CTNND2: variants seen among roughly 807,000 people sequenced by gnomAD.
CTNND2 encodes catenin delta 2, also known as catenin delta-2.
CTNND2 carries 22 observed loss-of-function variants against 144.4 expected under a neutral mutation model. The observed-to-expected ratio is 0.15, with a 90% CI of 0.11 to 0.22. The LOEUF is 0.22. Among genes scored for constraint, CTNND2 ranks in the 10% least tolerant of loss-of-function variants. The probability of loss-of-function intolerance (pLI) is 1.00; values close to 1 mark genes in which losing one functional copy is unlikely to be tolerated. For missense variants in CTNND2, 1,353 were observed against 1,618.8 expected (o/e 0.84, Z 2.82); for synonymous variants, 751 against 695.6 (o/e 1.08, Z -1.25).
intron 11 of CTNND2, among the ~76,000 whole-genome samples, chr5:11,196,904 T>C (rs1286211162): frequency 1.3e-5 from 2 of 152,210 alleles, no homozygotes; most frequent in Non-Finnish European, 2.9e-5. Context: ...TCCTTTTGCC[T>C]CATTTTAGGT....
chr5:11,721,043 G>C (rs1040694897), intron 2 of CTNND2, among the ~76,000 whole-genome samples: 2 of 152,042 alleles, frequency 1.3e-5, no homozygotes, highest in South Asian at 4.1e-4. Flanking sequence ...ATTCCCAATA[G>C]ACAACAAGTG....
intron 9 of CTNND2, among the ~76,000 whole-genome samples, chr5:11,258,034 G>C (rs1744456394): frequency 6.6e-6 from 1 of 152,166 alleles, no homozygotes; most frequent in Non-Finnish European, 1.5e-5. Context: ...CTCTTCAACT[G>C]ATCTGGTGTC....
intron 19 of CTNND2, among the ~76,000 whole-genome samples, chr5:10,992,133 G>T (rs563767647): frequency 6.6e-6 from 1 of 152,250 alleles, no homozygotes; most frequent in East Asian, 1.9e-4. Flanking sequence ...GCCCAGGATG[G>T]TTTCGAACTC....
At position 11,228,393 on chromosome 5, in the gene CTNND2, T is replaced by C. The variant is rs370939916; in HGVS notation, c.1761+8298A>G. On this transcript the variant is annotated intron_variant, in intron 10 of 21. Coordinates refer to ENST00000304623, the MANE Select transcript of CTNND2 (RefSeq NM_001332.4). ...AAAAAAAAAAAACAAAGAATGTGAA[T>C]GCTCATTTTACTGCTGTGGCTTCAC... Among the ~76,000 whole-genome samples, 186 of 141,686 alleles carry C rather than the reference T, an allele frequency of 1.3e-3. 1 individual carries two copies. Among genetic ancestry groups the C allele is most frequent in the African/African-American group, 4.6e-3 (179 of 38,510 alleles). The allele number at this position is 141,686 out of a possible 152,430, so 93.0% of individuals were successfully genotyped here. A position where few individuals can be genotyped will look rare whatever the true frequency, so the allele number is the denominator to read the frequency against.
At chr5:11,662,128 TAC>T (rs1346099073) in intron 2 of CTNND2, among the ~76,000 whole-genome samples, 2 of 145,508 alleles carry the variant, frequency 1.4e-5, no homozygotes. Context: ...TATATATATA[TAC>T]ATATATGTAT....
chr5:11,766,949 GC>G (rs1210807242), intron 1 of CTNND2, among the ~76,000 whole-genome samples: 1 of 152,068 alleles, frequency 6.6e-6, no homozygotes, highest in Admixed American at 6.6e-5. Context: ...TACAGCTATG[GC>G]CAGGAGTGTG....
intron 1 of CTNND2, among the ~76,000 whole-genome samples, chr5:11,887,712 T>G (rs1210332955): frequency 6.6e-6 from 1 of 152,216 alleles, no homozygotes; most frequent in Non-Finnish European, 1.5e-5. Context: ...TCTTTTACTA[T>G]TCCAGGGCCC....
At chr5:11,261,825 T>A (rs1396686943) in intron 9 of CTNND2, among the ~76,000 whole-genome samples, 1 of 152,196 alleles carries the variant, frequency 6.6e-6, no homozygotes. Flanking sequence ...GGGCCCACAA[T>A]TTTCCCTTCC....
chr5:11,641,786 A>G (rs1782058039), intron 2 of CTNND2, among the ~76,000 whole-genome samples: 1 of 145,332 alleles, frequency 6.9e-6, no homozygotes, highest in African/African-American at 2.5e-5. Flanking sequence ...ATGTACATAC[A>G]TACACGTGTA....
intron 9 of CTNND2, among the ~76,000 whole-genome samples, chr5:11,274,742 G>T (rs564097696): frequency 6.6e-6 from 1 of 151,984 alleles, no homozygotes; most frequent in African/African-American, 2.4e-5. Flanking sequence ...CTTGCTAACC[G>T]CTAATGAAAA....
chr5:11,839,129 T>C (rs1308381839), intron 1 of CTNND2, among the ~76,000 whole-genome samples: 1 of 152,134 alleles, frequency 6.6e-6, no homozygotes, highest in Non-Finnish European at 1.5e-5. Context: ...TCAGCCTTTT[T>C]ATGATTTATT....
At chr5:11,444,043 T>G (rs1269536077) in intron 3 of CTNND2, among the ~76,000 whole-genome samples, 1 of 152,220 alleles carries the variant, frequency 6.6e-6, no homozygotes, top group African/African-American at 2.4e-5. Context: ...TGGCTTTGTT[T>G]AATTTCGTTC....
intron 3 of CTNND2, among the ~76,000 whole-genome samples, chr5:11,415,908 G>A (rs1761901049): frequency 6.6e-6 from 1 of 152,116 alleles, no homozygotes; most frequent in Non-Finnish European, 1.5e-5. Context: ...GCCCTGTGTT[G>A]AGATGCATGC....
At chr5:11,030,207 G>A (rs1194747441) in intron 16 of CTNND2, among the ~76,000 whole-genome samples, 2 of 152,104 alleles carry the variant, frequency 1.3e-5, no homozygotes, top group East Asian at 3.8e-4. Context: ...TGATTGTAAT[G>A]TGTTTCAGTC....
At chr5:10,974,918 TA>T (rs1434607638) in intron 21 of CTNND2, among the ~76,000 whole-genome samples, 1 of 152,214 alleles carries the variant, frequency 6.6e-6, no homozygotes, top group African/African-American at 2.4e-5. Flanking sequence ...TTTATACTAG[TA>T]ATCAACCTGA....
At chr5:11,086,176 G>A (rs114641964) in intron 15 of CTNND2, among the ~76,000 whole-genome samples, 61 of 152,246 alleles carry the variant, frequency 4.0e-4, no homozygotes, top group African/African-American at 1.4e-3. Flanking sequence ...GGGAGCAGAC[G>A]GTGCCTCTCT....
At chr5:11,862,560 A>C (rs1405852328) in intron 1 of CTNND2, among the ~76,000 whole-genome samples, 1 of 152,216 alleles carries the variant, frequency 6.6e-6, no homozygotes, top group Non-Finnish European at 1.5e-5. Flanking sequence ...ATTAGTTCTA[A>C]AACAGACATT....
intron 3 of CTNND2, among the ~76,000 whole-genome samples, chr5:11,538,132 A>G (rs751858336): frequency 6.6e-6 from 1 of 152,226 alleles, no homozygotes; most frequent in Non-Finnish European, 1.5e-5. Flanking sequence ...CATTTTGTCC[A>G]TAAACCAACT....
At chr5:11,458,733 C>T (rs755575832) in intron 3 of CTNND2, among the ~76,000 whole-genome samples, 8 of 152,040 alleles carry the variant, frequency 5.3e-5, no homozygotes, top group Non-Finnish European at 7.4e-5. Context: ...GTTATGGTGC[C>T]GGTCTAACTC....
Sources: gnomAD v4.1 joint callset for allele counts (sites outside exome capture counted in the v4.1 genomes callset) on GRCh38, gnomAD v4.1.1 for gene constraint, MANE v1.5 for transcripts, NCBI Gene and HGNC (gene_info 2026-07-23, HGNC 2026-07-21) for gene names.